Variants in FRMPD2 observed in about 807,000 individuals in gnomAD.
The protein encoded by FRMPD2 is FERM and PDZ domain-containing protein 2.
Under a neutral mutation model 140.1 loss-of-function variants are expected in FRMPD2, and 96 were observed. The ratio of observed to expected loss-of-function variants is 0.69; its 90% CI spans 0.58 to 0.81. FRMPD2 has a LOEUF of 0.81. FRMPD2 is among the 40% of genes least tolerant of loss of function. The pLI is 0.00. For missense variants in FRMPD2, 1,240 were observed against 1,447.4 expected (o/e 0.86, Z 2.32); for synonymous variants, 449 against 547.6 (o/e 0.82, Z 2.52).
chr10:48,158,907 A>G, intron 28 of FRMPD2: 1 of 326,990 alleles, frequency 3.1e-6, no homozygotes, highest in South Asian at 2.4e-5. Context: ...TTGCTACAGA[A>G]TGTTTACTGA....
At chr10:48,211,386 T>C (rs17011006) in intron 13 of FRMPD2, among the ~76,000 whole-genome samples, 5,222 of 152,354 alleles carry the variant, frequency 0.034, 112 homozygotes, top group Non-Finnish European at 0.042. Context: ...GGTCTTGTGA[T>C]GGCTTTTCTC....
chr10:48,172,740 T>C (rs1411186687), intron 25 of FRMPD2, among the ~76,000 whole-genome samples: 1 of 152,050 alleles, frequency 6.6e-6, no homozygotes, highest in Non-Finnish European at 1.5e-5. Context: ...TAGAAATAAT[T>C]TGGGGAAAAT....
chr10:48,257,859 G>A (rs1252892921), intron 1 of FRMPD2, among the ~76,000 whole-genome samples: 1 of 152,192 alleles, frequency 6.6e-6, no homozygotes, highest in Non-Finnish European at 1.5e-5. Flanking sequence ...TTTTGTCTCT[G>A]CTCCAACCAT....
At chr10:48,193,819 G>C (rs930748808) in intron 15 of FRMPD2, among the ~76,000 whole-genome samples, 1 of 152,052 alleles carries the variant, frequency 6.6e-6, no homozygotes, top group Non-Finnish European at 1.5e-5. Context: ...GGATATCCAT[G>C]GGCATATATT....
At chr10:48,229,553 G>GAAACATTATCCAATAATAAGTGGTGCCA (rs1839801388) in intron 10 of FRMPD2, among the ~76,000 whole-genome samples, 1 of 152,048 alleles carries the variant, frequency 6.6e-6, no homozygotes, top group Non-Finnish European at 1.5e-5. Flanking sequence ...AAATGCATGG[G>GAAACATTATCCAATAATAAGTGGTGCCA]AAACATTATC....
At chr10:48,271,144 GCAGCT>G (rs979424396) in intron 1 of FRMPD2, among the ~76,000 whole-genome samples, 1 of 152,104 alleles carries the variant, frequency 6.6e-6, no homozygotes, top group Non-Finnish European at 1.5e-5. Context: ...CTGATCTCTA[GCAGCT>G]TCCTCTTTCC....
chr10:48,266,248 A>C (rs1840676278), intron 1 of FRMPD2, among the ~76,000 whole-genome samples: 1 of 152,194 alleles, frequency 6.6e-6, no homozygotes, highest in Non-Finnish European at 1.5e-5. Flanking sequence ...AGAGGAGCAC[A>C]AAAAATAACT....
intron 14 of FRMPD2, 152 bp downstream of exon 14, chr10:48,206,596 A>C: frequency 1.6e-6 from 1 of 628,732 alleles, no homozygotes; most frequent in Non-Finnish European, 2.8e-6. Flanking sequence ...AATATCCTGC[A>C]ATGCATCAGA....
In FRMPD2 at chr10:48,274,579, C is replaced by T. The variant is rs148990235; in HGVS notation, c.-12G>A. ...GTTAAAGGCTGCATCCAAAAGTCTC[C>T]GTGACCAGGTCTAGGCCTTCATCAT... On this transcript the variant is annotated 5_prime_UTR_variant, in exon 1 of 29. Coordinates refer to ENST00000374201, the MANE Select transcript of FRMPD2 (RefSeq NM_001018071.4). The T allele has an allele frequency of 1.2e-5, 19 of 1,614,004 alleles. No homozygotes were observed. The highest frequency in any genetic ancestry group is 1.7e-4 in the Middle Eastern group (1 of 6,060).
At chr10:48,227,606 G>A (rs1403159469) in intron 10 of FRMPD2, among the ~76,000 whole-genome samples, 2 of 152,190 alleles carry the variant, frequency 1.3e-5, no homozygotes, top group African/African-American at 4.8e-5. Context: ...CGTATCCATG[G>A]TTAAGACATA....
rs191598465 is a variant in FRMPD2 at position 48,229,196 on chromosome 10, G to A, written c.1168+2919C>T. Reference sequence around the variant, plus strand: ...GTGTTTTATCAGAATAGTTTCTTGTGCTCTGTGCTGTATTTTATTAGCTCT... The same window carrying A: ...GTGTTTTATCAGAATAGTTTCTTGTACTCTGTGCTGTATTTTATTAGCTCT... On this transcript the variant is annotated intron_variant, in intron 10 of 28. Coordinates refer to ENST00000374201, the MANE Select transcript of FRMPD2 (RefSeq NM_001018071.4). 4.8e-4 allele frequency among the ~76,000 whole-genome samples: 73 copies of A among 152,092 alleles called. 1 individual carries two copies. The East Asian group carries it at 0.012, about 24-fold the overall frequency.
intron 4 of FRMPD2, among the ~76,000 whole-genome samples, chr10:48,244,466 G>A (rs1840198909): frequency 6.6e-6 from 1 of 152,196 alleles, no homozygotes; most frequent in South Asian, 2.1e-4. Flanking sequence ...TAAAATATAT[G>A]TAAATCTGTA....
chr10:48,272,970 T>G (rs1840794916), intron 1 of FRMPD2, among the ~76,000 whole-genome samples: 1 of 152,168 alleles, frequency 6.6e-6, no homozygotes, highest in Non-Finnish European at 1.5e-5. Context: ...ACCAAGGGTA[T>G]AAGAGTTCAG....
chr10:48,244,089 A>G (rs554279696), intron 4 of FRMPD2, among the ~76,000 whole-genome samples: 10 of 152,290 alleles, frequency 6.6e-5, no homozygotes, highest in African/African-American at 2.4e-4. Flanking sequence ...GGTTTAAGCG[A>G]TTCTCATGCC....
chr10:48,185,501 C>A, intron 18 of FRMPD2, 52 bp downstream of exon 18: 2 of 1,269,238 alleles, frequency 1.6e-6, no homozygotes, highest in Non-Finnish European at 1.2e-6. Flanking sequence ...ACCCACCTCC[C>A]CACTTTGCCC....
chr10:48,202,239 A>G lies in FRMPD2; in HGVS notation c.1798-855T>C, dbSNP rs1165909596. On this transcript the variant is annotated intron_variant, in intron 14 of 28. Transcript: ENST00000374201. ...CATTCTAGATATTCTATCTATTTCAATAAGAACCTTCAGCTTGCTCCTATA... is the reference window on the plus strand; with the variant it reads ...CATTCTAGATATTCTATCTATTTCAGTAAGAACCTTCAGCTTGCTCCTATA... Among the ~76,000 whole-genome samples the G allele has an allele frequency of 3.3e-5, 5 of 152,210 alleles. No individual in the cohort carries two copies. The South Asian group carries it at 6.2e-4, about 19-fold the overall frequency.
At chr10:48,199,837 T>G (rs1040687599) in intron 15 of FRMPD2, 7 of 152,184 alleles carry the variant, frequency 4.6e-5, no homozygotes, top group African/African-American at 1.4e-4. Flanking sequence ...GGGGGCCATG[T>G]GACTGTGTTC....
intron 1 of FRMPD2, among the ~76,000 whole-genome samples, chr10:48,273,863 T>A (rs1651631463): frequency 6.6e-6 from 1 of 151,596 alleles, no homozygotes. Flanking sequence ...ACACGACTCA[T>A]CTCTGAACTC....
chr10:48,223,809 G>A (rs577892543), intron 10 of FRMPD2, among the ~76,000 whole-genome samples: 1 of 152,308 alleles, frequency 6.6e-6, no homozygotes, highest in South Asian at 2.1e-4. Flanking sequence ...GGTCCCCCAT[G>A]ATGGGATCAG....
Sources: gnomAD v4.1 joint callset for allele counts (sites outside exome capture counted in the v4.1 genomes callset) on GRCh38, gnomAD v4.1.1 for gene constraint, MANE v1.5 for transcripts, NCBI Gene and HGNC (gene_info 2026-07-23, HGNC 2026-07-21) for gene names.